TBC1D22A: variants seen among roughly 807,000 people sequenced by gnomAD.
TBC1D22A encodes the protein TBC1 domain family member 22A.
A neutral mutation model predicts 60.2 loss-of-function variants in TBC1D22A; 38 were observed. The ratio of observed to expected loss-of-function variants is 0.63; its 90% CI spans 0.49 to 0.83. TBC1D22A has a LOEUF of 0.83. Ranked by LOEUF, TBC1D22A falls within the 40% of genes least tolerant of loss-of-function variation. TBC1D22A has a pLI of 0.00. For missense variants in TBC1D22A, 628 were observed against 701.0 expected (o/e 0.90, Z 1.18); for synonymous variants, 302 against 281.7 (o/e 1.07, Z -0.72).
rs191327182 is a variant in TBC1D22A, at chr22:46,777,513, C to T, written c.62+14665C>T. ...GGCACGTGTTTGAGAACCGTTTACT[C>T]GGGTGGAGGAGGTCAGGAGAGAGCA... On this transcript the variant is annotated intron_variant, in intron 1 of 12. Coordinates refer to ENST00000337137, the MANE Select transcript of TBC1D22A (RefSeq NM_014346.5). The surrounding 1 kb of genome is among the most constrained non-coding windows in gnomAD (Gnocchi z 4.5). 1.6e-3 allele frequency among the ~76,000 whole-genome samples: 250 copies of T among 152,074 alleles called. 2 individuals are homozygous for T. Among genetic ancestry groups the T allele is most frequent in the Non-Finnish European group, 2.0e-3 (139 of 68,016 alleles).
At chr22:47,158,474 C>A (rs1258380351) in intron 12 of TBC1D22A, among the ~76,000 whole-genome samples, 1 of 152,140 alleles carries the variant, frequency 6.6e-6, no homozygotes, top group Admixed American at 6.5e-5. Flanking sequence ...GGGCAGTTCC[C>A]CCCCCAATCT....
At chr22:46,803,580 C>T (rs2084996475) in intron 4 of TBC1D22A, among the ~76,000 whole-genome samples, 1 of 152,182 alleles carries the variant, frequency 6.6e-6, no homozygotes. Flanking sequence ...ATGACCACAG[C>T]AGGGCACGTT....
intron 12 of TBC1D22A, among the ~76,000 whole-genome samples, chr22:47,155,205 C>G (rs1209637133): frequency 7.2e-6 from 1 of 138,198 alleles, no homozygotes; most frequent in African/African-American, 3.3e-5. Flanking sequence ...CTTTAGAATT[C>G]CTTTTTTGGA....
At chr22:46,805,072 T>C (rs764633755) in intron 4 of TBC1D22A, among the ~76,000 whole-genome samples, 12 of 152,172 alleles carry the variant, frequency 7.9e-5, no homozygotes, top group Non-Finnish European at 1.6e-4. Flanking sequence ...GTAACTTAGC[T>C]CCTATTATGG....
intron 1 of TBC1D22A, among the ~76,000 whole-genome samples, chr22:46,788,103 A>C (rs745399339): frequency 9.9e-5 from 15 of 151,636 alleles, no homozygotes; most frequent in Non-Finnish European, 1.9e-4. Flanking sequence ...CGACCGGGTA[A>C]TTTTTTGTAT....
intron 11 of TBC1D22A, among the ~76,000 whole-genome samples, chr22:47,070,216 G>T (rs1412721306): frequency 2.0e-5 from 3 of 150,024 alleles, no homozygotes; most frequent in Non-Finnish European, 4.4e-5. Context: ...CCTGTTGTTT[G>T]GTTGGAGCGG....
chr22:46,891,972 TTAAA>T (rs1288226437), intron 6 of TBC1D22A, among the ~76,000 whole-genome samples: 15 of 152,370 alleles, frequency 9.8e-5, no homozygotes, highest in Admixed American at 6.5e-4. Context: ...TTATGGTTTC[TTAAA>T]TAGTCAGTTG....
intron 11 of TBC1D22A, among the ~76,000 whole-genome samples, chr22:47,101,502 G>C (rs542909613): frequency 6.6e-6 from 1 of 152,264 alleles, no homozygotes; most frequent in Admixed American, 6.5e-5. Context: ...GCGACCAGCT[G>C]CCTCAGCCAT....
At chr22:46,835,628 A>C (rs959213201) in intron 4 of TBC1D22A, among the ~76,000 whole-genome samples, 10 of 152,222 alleles carry the variant, frequency 6.6e-5, no homozygotes, top group African/African-American at 2.2e-4. Flanking sequence ...GCATTATGTG[A>C]ATTTCAGAGG....
intron 11 of TBC1D22A, among the ~76,000 whole-genome samples, chr22:47,043,090 G>A (rs946360798): frequency 1.3e-5 from 2 of 152,364 alleles, no homozygotes; most frequent in South Asian, 2.1e-4. Context: ...TGGGCCTGCT[G>A]TCGAGGGCTC....
In TBC1D22A at chr22:46,912,148, C is replaced by T. The variant is rs756620844; in HGVS notation, c.975C>T (p.Leu325=). Residue 325 remains leucine (L), a synonymous_variant, in exon 8 of 13, where the codon CTC becomes CTT. Coordinates refer to ENST00000337137, the MANE Select transcript of TBC1D22A (RefSeq NM_014346.5). ...GATACGTTCAGGGTATAAATGATCT[C>T]GTCACTCCTTTCTTTGTGGTCTTCA... ...ASGYVQGIND[L]VTPFFVVFIC... 1.4e-5 allele frequency: 22 copies of T among 1,613,852 alleles called. No individual in the cohort carries two copies. Among genetic ancestry groups the T allele is most frequent in the African/African-American group, 1.2e-4 (9 of 74,910 alleles).
At chr22:46,882,310 G>A (rs2067891854) in intron 5 of TBC1D22A, among the ~76,000 whole-genome samples, 1 of 152,130 alleles carries the variant, frequency 6.6e-6, no homozygotes, top group Non-Finnish European at 1.5e-5. Flanking sequence ...GTTCAGGCCT[G>A]CCTTCTTCAC....
intron 4 of TBC1D22A, among the ~76,000 whole-genome samples, chr22:46,856,205 AAGCTGTCTT>A (rs1332168811): frequency 6.6e-6 from 1 of 152,132 alleles, no homozygotes; most frequent in African/African-American, 2.4e-5. Context: ...ATGTGGTGAA[AAGCTGTCTT>A]AGGAGCCTCT....
chr22:47,174,338 GAA>G lies in TBC1D22A; in HGVS notation c.*714_*715del, dbSNP rs1427085758. On this transcript the variant is annotated 3_prime_UTR_variant, in exon 13 of 13. Coordinates refer to ENST00000337137, the MANE Select transcript of TBC1D22A (RefSeq NM_014346.5). ...CACCTTGAACCTCTTTTACAAGAGA[GAA>G]ACCCCCACCTCCCTGAGGTCCAGGG... is the stretch of plus-strand genomic sequence containing the variant. 6.6e-6 allele frequency: 1 copy of G among 152,282 alleles called. No individual in the cohort carries two copies. The highest frequency in any genetic ancestry group is 1.5e-5 in the Non-Finnish European group (1 of 68,090). 9.4% of individuals were successfully genotyped at this position (152,282 alleles called of 1,614,324 possible). A position where few individuals can be genotyped will look rare whatever the true frequency, so the allele number is the denominator to read the frequency against.
intron 7 of TBC1D22A, among the ~76,000 whole-genome samples, chr22:46,904,800 A>T (rs1328405362): frequency 2.4e-5 from 3 of 126,784 alleles, no homozygotes; most frequent in East Asian, 4.8e-4. Context: ...TCTGAGACAG[A>T]GTCTTAGTCT....
chr22:46,894,670 G>GA (rs1397569940), intron 6 of TBC1D22A, 114 bp from the exon 7 acceptor site: 12 of 1,223,462 alleles, frequency 9.8e-6, no homozygotes, highest in African/African-American at 1.5e-5. Flanking sequence ...CTCAAGGAGA[G>GA]AGCGGGGTAG....
intron 8 of TBC1D22A, among the ~76,000 whole-genome samples, chr22:46,925,986 A>AT (rs1343011728): frequency 6.6e-6 from 1 of 152,238 alleles, no homozygotes; most frequent in Non-Finnish European, 1.5e-5. Flanking sequence ...CCACAGTGGC[A>AT]TTAAGTTAGA....
intron 11 of TBC1D22A, among the ~76,000 whole-genome samples, chr22:47,048,206 G>T (rs552704985): frequency 6.6e-6 from 1 of 152,138 alleles, no homozygotes; most frequent in Non-Finnish European, 1.5e-5. Context: ...GTGTGGACCC[G>T]TCTTATGTGT....
chr22:47,127,283 AG>A (rs1176087411), intron 12 of TBC1D22A, among the ~76,000 whole-genome samples: 1 of 141,072 alleles, frequency 7.1e-6, no homozygotes, highest in East Asian at 2.1e-4. Flanking sequence ...GCTGAAGTGC[AG>A]TGACGCGATC....
Sources: allele counts gnomAD v4.1 joint callset (sites outside exome capture counted in the v4.1 genomes callset), GRCh38; gene constraint gnomAD v4.1.1; non-coding constraint Gnocchi (gnomAD v3.1); transcripts MANE v1.5; gene names NCBI Gene and HGNC (gene_info 2026-07-23, HGNC 2026-07-21).